Variants in MVD observed in about 807,000 individuals in gnomAD.
The protein encoded by MVD is mevalonate diphosphate decarboxylase.
In MVD, 52 loss-of-function variants were observed where a neutral mutation model predicts 42.4. The ratio of observed to expected loss-of-function variants is 1.23; its 90% CI spans 0.98 to 1.55. The LOEUF (loss-of-function observed/expected upper bound fraction) is 1.55. MVD is among the 40% of genes most tolerant of loss of function. The pLI is 0.00. For missense variants in MVD, 663 were observed against 572.1 expected, an observed-to-expected ratio of 1.16 and a Z score of -1.62; for synonymous variants, 287 against 243.2, an observed-to-expected ratio of 1.18 and a Z score of -1.68.
intron 1 of MVD, chr16:88,659,165 T>G: frequency 5.4e-6 from 1 of 184,796 alleles, no homozygotes; most frequent in South Asian, 1.0e-4. Flanking sequence ...AAATCAAACT[T>G]CCAGAAAGCC....
At chr16:88,653,544 C>T in intron 8 of MVD, 136 bp from the exon 9 acceptor site, 2 of 689,686 alleles carry the variant, frequency 2.9e-6, no homozygotes, top group Non-Finnish European at 2.3e-6. Context: ...CGGCAGGTGG[C>T]TGCTGTGGGG....
At chr16:88,661,834 C>A (rs1406922064) in intron 1 of MVD, among the ~76,000 whole-genome samples, 1 of 116,260 alleles carries the variant, frequency 8.6e-6, no homozygotes, top group African/African-American at 3.0e-5. Context: ...AACAATTAGA[C>A]AGTTTCTTTA....
In MVD at chr16:88,652,366, C is replaced by G. The variant is rs573704183; in HGVS notation, c.*159G>C. The G allele has an allele frequency of 7.1e-5, 55 of 774,262 alleles. No individual in the cohort carries two copies. The African/African-American group carries it at 9.0e-4, about 13-fold the overall frequency. 48.0% of individuals were successfully genotyped at this position (774,262 alleles called of 1,614,324 possible). A position where few individuals can be genotyped will look rare whatever the true frequency, so the allele number is the denominator to read the frequency against. On this transcript the variant is annotated 3_prime_UTR_variant, in exon 10 of 10. Coordinates refer to ENST00000301012, the MANE Select transcript of MVD (RefSeq NM_002461.3). Reference sequence around the variant, plus strand: ...GGACCTCTCCTGACACCTGGGCGGCCGCAGGACTCCCTGCACTGCCCCACA... The same window carrying G: ...GGACCTCTCCTGACACCTGGGCGGCGGCAGGACTCCCTGCACTGCCCCACA...
In MVD at chr16:88,655,211, G is replaced by A. The variant is rs757161851; in HGVS notation, c.885C>T (p.His295=). 3.1e-5 allele frequency: 49 copies of A among 1,564,600 alleles called. No individual in the cohort carries two copies. Among genetic ancestry groups the A allele is most frequent in the East Asian group, 4.7e-5 (2 of 42,180 alleles). ...CGGCCCGCGTCACCTTGGTGTCCCC[G>A]TGGTGGGCGTTGAAGCGGTGCACCA... ...IHLVHRFNAH[H]GDTKVAYTFD... Residue 295 remains histidine, a synonymous_variant, in exon 7 of 10, where the codon CAC becomes CAT. Transcript: ENST00000301012.
intron 4 of MVD, chr16:88,656,923 G>A (rs1907965220): frequency 3.1e-6 from 1 of 320,664 alleles, no homozygotes; most frequent in Non-Finnish European, 6.1e-6. Flanking sequence ...CAGTGGGTGG[G>A]AAGCTGCCAG....
Position 88,656,379 on chromosome 16 carries a change from A to G in MVD, c.404-75T>C, listed in dbSNP as rs950747649. On this transcript the variant is annotated intron_variant, in intron 4 of 9. Coordinates refer to ENST00000301012, the MANE Select transcript of MVD (RefSeq NM_002461.3). ...CTCCCTGACAGCTCACCGCCCCAGG[A>G]ACGTCCCACACCCCACGGCAAATGG... The G allele has an allele frequency of 3.6e-5, 54 of 1,493,116 alleles. No individual in the cohort carries two copies. The East Asian group carries it at 1.2e-3, about 33-fold the overall frequency. 92.5% of individuals were successfully genotyped at this position (1,493,116 alleles called of 1,614,324 possible).
At chr16:88,652,887 G>A (rs907267780) in intron 9 of MVD, among the ~76,000 whole-genome samples, 106 of 152,118 alleles carry the variant, frequency 7.0e-4, no homozygotes, top group African/African-American at 2.3e-3. Context: ...GGAAGGTGGC[G>A]GCAATGGCTT....
intron 9 of MVD, 38 bp downstream of exon 9, chr16:88,653,262 A>G (rs543306728): frequency 3.3e-5 from 51 of 1,547,362 alleles, no homozygotes; most frequent in Non-Finnish European, 4.3e-5. Flanking sequence ...CTGGCAGGAA[A>G]GGAAACCCCG....
intron 4 of MVD, chr16:88,657,230 G>A: frequency 1.3e-6 from 1 of 779,466 alleles, no homozygotes. Flanking sequence ...ACAGGCGAGA[G>A]CCCCACGCCA....
At chr16:88,656,746 C>T (rs2142901076) in intron 4 of MVD, 1 of 254,916 alleles carries the variant, frequency 3.9e-6, no homozygotes, top group East Asian at 1.0e-4. Context: ...CTCCCCTCCT[C>T]CCACAGGGCT....
At position 88,655,455 on chromosome 16, in the gene MVD, G is replaced by A. The variant is rs763665842; in HGVS notation, c.679-38C>T. The A allele has an allele frequency of 9.1e-6, 14 of 1,539,356 alleles. No individual in the cohort carries two copies. In the African/African-American group the frequency reaches 1.8e-4, roughly 20 times the overall value. ...GGGTGTTTCCCATGGAGCCGCTGGG[G>A]GTCTCGACAGCAGAGGGTTCGAGGA... On this transcript the variant is annotated intron_variant, in intron 6 of 9. Transcript: ENST00000301012.
intron 1 of MVD, among the ~76,000 whole-genome samples, chr16:88,659,637 CTA>C (rs1908164020): frequency 6.6e-6 from 1 of 152,158 alleles, no homozygotes; most frequent in Non-Finnish European, 1.5e-5. Context: ...CCAGCCCTCC[CTA>C]GCAGGACCAG....
intron 8 of MVD, 36 bp from the exon 9 acceptor site, chr16:88,653,444 C>A: frequency 1.3e-6 from 2 of 1,547,804 alleles, no homozygotes; most frequent in Non-Finnish European, 1.8e-6. Context: ...TGAATGCATC[C>A]GTTTCTCTAA....
At chr16:88,662,438 C>T (rs1908362964) in intron 1 of MVD, among the ~76,000 whole-genome samples, 2 of 152,234 alleles carry the variant, frequency 1.3e-5, no homozygotes, top group African/African-American at 4.8e-5. Flanking sequence ...GGCCAGGTAA[C>T]CCCGGCGCGA....
intron 4 of MVD, 105 bp downstream of exon 4, chr16:88,657,331 G>A (rs569896376): frequency 2.7e-6 from 4 of 1,457,212 alleles, no homozygotes; most frequent in South Asian, 2.5e-5. Flanking sequence ...GTGAGGGGAT[G>A]CTCTTTTAGC....
Position 88,656,158 on chromosome 16 carries a change from G to C in MVD, c.550C>G (p.Arg184Gly), listed in dbSNP as rs148668035. 1.2e-6 allele frequency: 2 copies of C among 1,602,142 alleles called. No individual in the cohort carries two copies. Among genetic ancestry groups the C allele is most frequent in the Non-Finnish European group, 1.7e-6 (2 of 1,179,912 alleles). ...CAGTGTGACTCGGGGGCCACTTGCC[G>C]AGCGATGCTGTCCTTCCCGTCGGCC... Reference protein sequence around the residue: ...EQADGKDSIARQVAPESHWPE... With the variant: ...EQADGKDSIAGQVAPESHWPE... Residue 184 changes from arginine to glycine, a missense_variant, in exon 5 of 10, where the codon CGG (arginine) becomes GGG (glycine). Transcript: ENST00000301012.
rs59225882 is a variant in MVD at position 88,656,430 on chromosome 16, G to A, written c.404-126C>T. 3,186 of 1,044,522 alleles carry A rather than the reference G, an allele frequency of 3.1e-3. 67 individuals carry two copies. The African/African-American group carries it at 0.045, about 15-fold the overall frequency. The allele number at this position is 1,044,522 out of a possible 1,614,324, so 64.7% of individuals were successfully genotyped here. On this transcript the variant is annotated intron_variant, in intron 4 of 9. Transcript: ENST00000301012. Reference sequence around the variant, plus strand: ...GGATTTCCAGATGACAGGGCTTCTGGGCCATCAGCCTTTGAGGCCAGCATT... The same window carrying A: ...GGATTTCCAGATGACAGGGCTTCTGAGCCATCAGCCTTTGAGGCCAGCATT...
At position 88,652,477 on chromosome 16, in the gene MVD, G is replaced by C. The variant is rs114106183; in HGVS notation, c.*48C>G. On this transcript the variant is annotated 3_prime_UTR_variant, in exon 10 of 10. Transcript: ENST00000301012. Reference sequence around the variant, plus strand: ...CCCACCACATCCGCTCCCTAGCTCCGGCGAGGCCACCCCTTCTCCAAGCGG... The same window carrying C: ...CCCACCACATCCGCTCCCTAGCTCCCGCGAGGCCACCCCTTCTCCAAGCGG... 2.6e-6 allele frequency: 4 copies of C among 1,543,732 alleles called. No homozygotes were observed. The highest frequency in any genetic ancestry group is 2.4e-5 in the East Asian group (1 of 40,894).
At position 88,663,061 on chromosome 16, in the gene MVD, A is replaced by C; in HGVS notation, c.20T>G (p.Leu7Arg). 2.5e-6 allele frequency: 4 copies of C among 1,610,118 alleles called. No homozygotes were observed. Among genetic ancestry groups the C allele is most frequent in the Non-Finnish European group, 3.4e-6 (4 of 1,178,904 alleles). Residue 7 changes from leucine (L) to arginine (R), a missense_variant, in exon 1 of 10, where the codon CTG becomes CGG. Transcript: ENST00000301012. The part of the protein sequence containing the change: MASEKP[L>R]AAVTCTAPVN... ...CGGCGCTGTACAAGTGACTGCCGCC[A>C]GCGGCTTCTCCGAGGCCATGGTCCC...
Sources: allele counts gnomAD v4.1 joint callset (sites outside exome capture counted in the v4.1 genomes callset), GRCh38; gene constraint gnomAD v4.1.1; transcripts MANE v1.5; gene names NCBI Gene and HGNC (gene_info 2026-07-23, HGNC 2026-07-21).